FHOD3: variants seen among roughly 807,000 people sequenced by gnomAD.
FHOD3 encodes the protein formin homology 2 domain containing 3.
In FHOD3, 90 loss-of-function variants were observed where a neutral mutation model predicts 173.0. The ratio of observed to expected loss-of-function variants is 0.52; its 90% confidence interval spans 0.44 to 0.62. The LOEUF (loss-of-function observed/expected upper bound fraction) is 0.62, where lower values mean the gene tolerates loss of function less well. Among genes scored for constraint, FHOD3 ranks in the 20% least tolerant of loss-of-function variants. The probability of loss-of-function intolerance (pLI) is 0.00; values close to 1 mark genes in which losing one functional copy is unlikely to be tolerated. For missense variants in FHOD3, 1,945 were observed against 2,034.7 expected, an observed-to-expected ratio of 0.96 and a Z score of 0.85; for synonymous variants, 828 against 823.0, an observed-to-expected ratio of 1.01 and a Z score of -0.10.
intron 5 of FHOD3, among the ~76,000 whole-genome samples, chr18:36,575,679 C>T (rs8093564): frequency 0.99 from 151,317 of 152,354 alleles, 75,157 homozygotes; most frequent in East Asian, 1. Context: ...GTGGAGTCCT[C>T]CTTCCTTTAG....
chr18:36,609,373 AAG>A, intron 8 of FHOD3, among the ~76,000 whole-genome samples: 1 of 149,300 alleles, frequency 6.7e-6, no homozygotes, highest in African/African-American at 2.5e-5. Context: ...AAAAAAAAAA[AAG>A]ATGAATTTTT....
chr18:36,492,167 A>T (rs1218781953), intron 3 of FHOD3, among the ~76,000 whole-genome samples: 2 of 152,070 alleles, frequency 1.3e-5, no homozygotes, highest in African/African-American at 4.8e-5. Context: ...TTATTGACAT[A>T]TTAGATGCTG....
chr18:36,507,408 T>C (rs2055362399), intron 4 of FHOD3, among the ~76,000 whole-genome samples: 1 of 152,224 alleles, frequency 6.6e-6, no homozygotes, highest in Admixed American at 6.5e-5. Context: ...TCATTATGTA[T>C]ATGTAAATGT....
chr18:36,550,685 A>G (rs548910462), intron 5 of FHOD3, among the ~76,000 whole-genome samples: 175 of 152,258 alleles, frequency 1.1e-3, no homozygotes, highest in Non-Finnish European at 1.8e-3. Flanking sequence ...TAAGTATTTC[A>G]TATTTTTATG....
At chr18:36,733,371 A>G (rs1352282499) in intron 20 of FHOD3, among the ~76,000 whole-genome samples, 1 of 152,226 alleles carries the variant, frequency 6.6e-6, no homozygotes, top group African/African-American at 2.4e-5. Context: ...TTTACACAAC[A>G]AGGTCCTTTA....
intron 3 of FHOD3, among the ~76,000 whole-genome samples, chr18:36,399,729 C>T (rs1192298396): frequency 1.3e-5 from 2 of 152,204 alleles, no homozygotes; most frequent in Non-Finnish European, 2.9e-5. Context: ...CTGCAGAAGG[C>T]TCATTTGGTT....
chr18:36,313,671 T>G (rs1423419713), intron 1 of FHOD3, among the ~76,000 whole-genome samples: 1 of 152,206 alleles, frequency 6.6e-6, no homozygotes, highest in Non-Finnish European at 1.5e-5. Flanking sequence ...ATCCATTCAC[T>G]CACTGAAAGA....
intron 17 of FHOD3, among the ~76,000 whole-genome samples, chr18:36,700,560 T>C (rs1204267951): frequency 6.6e-6 from 1 of 152,214 alleles, no homozygotes; most frequent in Admixed American, 6.5e-5. Context: ...CTTTCTTTTC[T>C]CTTCATTGCC....
chr18:36,412,130 G>A (rs1005983806), intron 3 of FHOD3, among the ~76,000 whole-genome samples: 1 of 152,196 alleles, frequency 6.6e-6, no homozygotes, highest in Non-Finnish European at 1.5e-5. Context: ...CGGGGCTGGA[G>A]GGCAGTTAAT....
At chr18:36,655,053 CTTTTTT>C (rs56831321) in intron 13 of FHOD3, among the ~76,000 whole-genome samples, 2 of 125,044 alleles carry the variant, frequency 1.6e-5, no homozygotes, top group Non-Finnish European at 1.7e-5. Flanking sequence ...TTTTTTCCTT[CTTTTTT>C]TTTTTTTTTT....
intron 3 of FHOD3, among the ~76,000 whole-genome samples, chr18:36,392,859 G>A (rs1394060026): frequency 6.6e-6 from 1 of 152,150 alleles, no homozygotes; most frequent in African/African-American, 2.4e-5. Flanking sequence ...ACAGCCTTCT[G>A]GTACTTACAT....
chr18:36,505,700 G>T (rs1898302238), intron 4 of FHOD3, among the ~76,000 whole-genome samples: 1 of 152,176 alleles, frequency 6.6e-6, no homozygotes, highest in Admixed American at 6.5e-5. Flanking sequence ...TGACAAGTTT[G>T]CCAAGGTCAC....
chr18:36,347,883 T>A (rs768046671), intron 1 of FHOD3, among the ~76,000 whole-genome samples: 4 of 152,242 alleles, frequency 2.6e-5, no homozygotes, highest in African/African-American at 9.6e-5. Flanking sequence ...AAATGCATTA[T>A]ACATACAAAG....
intron 3 of FHOD3, among the ~76,000 whole-genome samples, chr18:36,442,562 TC>T (rs914658149): frequency 6.6e-6 from 1 of 152,214 alleles, no homozygotes; most frequent in African/African-American, 2.4e-5. Flanking sequence ...TTTAGTGGAA[TC>T]ATTTTATTTT....
At chr18:36,308,655 C>T (rs1198379550) in intron 1 of FHOD3, among the ~76,000 whole-genome samples, 2 of 152,216 alleles carry the variant, frequency 1.3e-5, no homozygotes, top group Non-Finnish European at 2.9e-5. Context: ...CTCACTTCAT[C>T]CTGTGGCTGC....
At chr18:36,578,500 A>G (rs2058737609) in intron 6 of FHOD3, among the ~76,000 whole-genome samples, 1 of 152,170 alleles carries the variant, frequency 6.6e-6, no homozygotes, top group Non-Finnish European at 1.5e-5. Context: ...ACCATATCAC[A>G]TGTGGTCTGC....
chr18:36,411,531 C>A (rs7245172), intron 3 of FHOD3, among the ~76,000 whole-genome samples: 10,290 of 152,082 alleles, frequency 0.068, 1,174 homozygotes, highest in African/African-American at 0.23. Context: ...CCTTTTTGTT[C>A]CTATTTTTTA....
At chr18:36,513,431 G>C (rs17565918) in intron 5 of FHOD3, among the ~76,000 whole-genome samples, 1 of 152,046 alleles carries the variant, frequency 6.6e-6, no homozygotes, top group Non-Finnish European at 1.5e-5. Context: ...GGCGGGTCAG[G>C]GTTCTGCCAT....
intron 5 of FHOD3, among the ~76,000 whole-genome samples, chr18:36,519,119 C>G (rs2056140962): frequency 6.6e-6 from 1 of 152,172 alleles, no homozygotes; most frequent in African/African-American, 2.4e-5. Flanking sequence ...AGGCCTGCAC[C>G]CTCTTAAGAA....
Sources: gnomAD v4.1 joint callset for allele counts (sites outside exome capture counted in the v4.1 genomes callset) on GRCh38, gnomAD v4.1.1 for gene constraint, MANE v1.5 for transcripts, NCBI Gene and HGNC (gene_info 2026-07-23, HGNC 2026-07-21) for gene names.